The following EXOC2 variants were observed in gnomAD, a reference collection of about 807,000 sequenced individuals.
EXOC2 encodes the protein exocyst complex component 2.
A neutral mutation model predicts 131.8 loss-of-function variants in EXOC2; 70 were observed. The ratio of observed to expected loss-of-function variants is 0.53; its 90% CI spans 0.44 to 0.65. The LOEUF (loss-of-function observed/expected upper bound fraction) is 0.65. Ranked by LOEUF, EXOC2 falls within the 30% of genes least tolerant of loss-of-function variation. The pLI, the probability that EXOC2 is intolerant of heterozygous loss-of-function variation, is 0.00. For synonymous variants in EXOC2, 411 were observed against 398.4 expected (o/e 1.03, Z -0.38); for missense variants, 923 against 1,108.6 (o/e 0.83, Z 2.38).
chr6:585,510 CTGCCAAA>C (rs1224791020), intron 11 of EXOC2, among the ~76,000 whole-genome samples: 1 of 152,190 alleles, frequency 6.6e-6, no homozygotes, highest in Non-Finnish European at 1.5e-5. Flanking sequence ...GCAAACTCTG[CTGCCAAA>C]TGCTTCATCT....
intron 17 of EXOC2, among the ~76,000 whole-genome samples, chr6:558,739 G>T (rs1757551400): frequency 6.6e-6 from 1 of 152,044 alleles, no homozygotes; most frequent in Non-Finnish European, 1.5e-5. Context: ...CTTGAACCAG[G>T]GAGGCAGATG....
intron 23 of EXOC2, among the ~76,000 whole-genome samples, chr6:532,169 T>C (rs950240527): frequency 1.3e-5 from 2 of 152,230 alleles, no homozygotes; most frequent in East Asian, 3.8e-4. Flanking sequence ...AATCACTCTA[T>C]TGTATCTATG....
intron 1 of EXOC2, chr6:679,163 AAAGAT>A (rs1184913545): frequency 6.6e-5 from 10 of 152,162 alleles, no homozygotes; most frequent in African/African-American, 2.4e-5. Flanking sequence ...TTAATAAATA[AAAGAT>A]AAGAAATTTG....
chr6:510,322 T>A (rs923822628), intron 23 of EXOC2, among the ~76,000 whole-genome samples: 1 of 152,206 alleles, frequency 6.6e-6, no homozygotes, highest in South Asian at 2.1e-4. Context: ...ACCCTTCCTA[T>A]GTAGCACATG....
intron 1 of EXOC2, among the ~76,000 whole-genome samples, chr6:692,455 C>G (rs1764975761): frequency 6.6e-6 from 1 of 152,224 alleles, no homozygotes; most frequent in African/African-American, 2.4e-5. Flanking sequence ...TTTGCTCAAG[C>G]ACTCTGAGCC....
rs187263514 is a variant in EXOC2 at position 651,829 on chromosome 6, G to C, written c.-43-13968C>G. On this transcript the variant is annotated intron_variant, in intron 1 of 27. Coordinates refer to ENST00000230449, the MANE Select transcript of EXOC2 (RefSeq NM_018303.6). ...CCCCAGCACTTTGGGAGGCCGAGGCGGGCAGATCATAAGGTCAGGAATTCG... is the reference window on the plus strand; with the variant it reads ...CCCCAGCACTTTGGGAGGCCGAGGCCGGCAGATCATAAGGTCAGGAATTCG... Among the ~76,000 whole-genome samples the C allele has an allele frequency of 4.9e-3, 740 of 151,832 alleles. 9 individuals are homozygous for C. The highest frequency in any genetic ancestry group is 0.017 in the African/African-American group (705 of 41,444).
chr6:504,948 A>G (rs1197609419), intron 23 of EXOC2, among the ~76,000 whole-genome samples: 1 of 152,226 alleles, frequency 6.6e-6, no homozygotes, highest in Non-Finnish European at 1.5e-5. Flanking sequence ...AAGACATAAC[A>G]GTTGACTAAA....
At chr6:638,232 T>C (rs1220585252) in intron 1 of EXOC2, among the ~76,000 whole-genome samples, 1 of 152,236 alleles carries the variant, frequency 6.6e-6, no homozygotes, top group African/African-American at 2.4e-5. Context: ...AAAGGAGATA[T>C]TCTGATTAAC....
At chr6:599,361 G>A (rs1243359983) in intron 7 of EXOC2, 136 bp from the exon 8 acceptor site, 3 of 809,634 alleles carry the variant, frequency 3.7e-6, no homozygotes, top group African/African-American at 3.7e-5. Flanking sequence ...TTCAGTTTAG[G>A]GGATCTTTTA....
At chr6:530,035 C>T (rs1278559812) in intron 23 of EXOC2, among the ~76,000 whole-genome samples, 1 of 152,218 alleles carries the variant, frequency 6.6e-6, no homozygotes, top group African/African-American at 2.4e-5. Context: ...TGAAACGCAG[C>T]TGCTCAAATT....
At chr6:606,666 C>G (rs930249309) in intron 7 of EXOC2, among the ~76,000 whole-genome samples, 1 of 152,214 alleles carries the variant, frequency 6.6e-6, no homozygotes, top group African/African-American at 2.4e-5. Flanking sequence ...TGAAACATCT[C>G]TGAGGTTCTC....
At chr6:580,183 A>G (rs184032838) in intron 11 of EXOC2, among the ~76,000 whole-genome samples, 2 of 152,254 alleles carry the variant, frequency 1.3e-5, no homozygotes, top group East Asian at 3.9e-4. Flanking sequence ...CTGAGACTAC[A>G]GGCATGCACC....
intron 24 of EXOC2, among the ~76,000 whole-genome samples, chr6:498,749 G>T (rs746155795): frequency 5.9e-5 from 9 of 152,128 alleles, no homozygotes; most frequent in Non-Finnish European, 8.8e-5. Context: ...GATGGCCTCA[G>T]ATACTTTTGG....
At chr6:577,413 GT>G (rs1758644206) in intron 11 of EXOC2, among the ~76,000 whole-genome samples, 1 of 152,092 alleles carries the variant, frequency 6.6e-6, no homozygotes, top group African/African-American at 2.4e-5. Context: ...TCAAGAAATT[GT>G]CTTTATTGTC....
At chr6:564,279 A>T in intron 15 of EXOC2, 125 bp from the exon 16 acceptor site, 1 of 1,398,336 alleles carries the variant, frequency 7.2e-7, no homozygotes. Flanking sequence ...CTGAAAACAG[A>T]AACAGACCAC....
At chr6:577,484 G>A (rs1223119432) in intron 11 of EXOC2, among the ~76,000 whole-genome samples, 2 of 152,110 alleles carry the variant, frequency 1.3e-5, no homozygotes, top group Non-Finnish European at 2.9e-5. Context: ...AAACCGGCAG[G>A]ATAAAGTCTA....
At chr6:538,672 TGA>T (rs1430232771) in intron 22 of EXOC2, among the ~76,000 whole-genome samples, 1 of 152,214 alleles carries the variant, frequency 6.6e-6, no homozygotes, top group Non-Finnish European at 1.5e-5. Context: ...TCCCAACTTA[TGA>T]GAGTTCAACT....
At chr6:627,112 A>C (rs1451049064) in intron 4 of EXOC2, among the ~76,000 whole-genome samples, 1 of 152,040 alleles carries the variant, frequency 6.6e-6, no homozygotes, top group Non-Finnish European at 1.5e-5. Flanking sequence ...TAGTAAGTAA[A>C]TCAGCAAAAT....
intron 4 of EXOC2, among the ~76,000 whole-genome samples, chr6:628,440 A>G (rs1191080955): frequency 1.3e-5 from 2 of 152,240 alleles, no homozygotes; most frequent in African/African-American, 4.8e-5. Flanking sequence ...AGCAACAGGA[A>G]TAATAAAGAG....
Sources: allele counts gnomAD v4.1 joint callset (sites outside exome capture counted in the v4.1 genomes callset), GRCh38; gene constraint gnomAD v4.1.1; transcripts MANE v1.5; gene names NCBI Gene and HGNC (gene_info 2026-07-23, HGNC 2026-07-21).